NEGR1: variants seen among roughly 807,000 people sequenced by gnomAD.
NEGR1 encodes the protein neuronal growth regulator 1, also known as IgLON family member 4.
NEGR1 carries 10 observed loss-of-function variants against 40.9 expected under a neutral mutation model. The ratio of observed to expected loss-of-function variants is 0.24; its 90% CI spans 0.15 to 0.42. The LOEUF is 0.42. Ranked by LOEUF, NEGR1 falls within the 10% of genes least tolerant of loss-of-function variation. The probability of loss-of-function intolerance (pLI) is 1.00; values close to 1 mark genes in which losing one functional copy is unlikely to be tolerated. For missense variants in NEGR1, 352 were observed against 438.9 expected (o/e 0.80, Z 1.77); for synonymous variants, 185 against 166.8 (o/e 1.11, Z -0.84).
At chr1:72,097,827 G>A (rs1021604303) in intron 1 of NEGR1, among the ~76,000 whole-genome samples, 2 of 152,174 alleles carry the variant, frequency 1.3e-5, no homozygotes, top group African/African-American at 2.4e-5. Context: ...GGGGAAGAAT[G>A]TTGTACTTAC....
At chr1:71,903,986 T>C (rs1459124060) in intron 2 of NEGR1, among the ~76,000 whole-genome samples, 1 of 152,034 alleles carries the variant, frequency 6.6e-6, no homozygotes, top group Non-Finnish European at 1.5e-5. Flanking sequence ...ATTGATTTAT[T>C]ACTTTCTTTC....
At chr1:72,229,292 G>A (rs1422415205) in intron 1 of NEGR1, among the ~76,000 whole-genome samples, 1 of 150,290 alleles carries the variant, frequency 6.7e-6, no homozygotes, top group East Asian at 1.9e-4. Flanking sequence ...TTGGTTTACA[G>A]TAATGTAATT....
intron 6 of NEGR1, among the ~76,000 whole-genome samples, chr1:71,561,308 A>T (rs1648450411): frequency 6.6e-6 from 1 of 151,702 alleles, no homozygotes; most frequent in African/African-American, 2.4e-5. Context: ...GTTATTATAC[A>T]TCTAGGTTTG....
chr1:71,631,869 G>T (rs1650981492), intron 4 of NEGR1, among the ~76,000 whole-genome samples: 1 of 151,628 alleles, frequency 6.6e-6, no homozygotes, highest in Non-Finnish European at 1.5e-5. Context: ...TTCTAAATAT[G>T]CACGTTCATA....
At chr1:71,595,887 C>G (rs1354768714) in intron 5 of NEGR1, among the ~76,000 whole-genome samples, 1 of 152,026 alleles carries the variant, frequency 6.6e-6, no homozygotes. Context: ...AAAGAGCTCT[C>G]TAATTGATGA....
intron 6 of NEGR1, chr1:71,488,075 A>G (rs1038018577): frequency 3.3e-5 from 5 of 151,942 alleles, no homozygotes; most frequent in Admixed American, 3.3e-4. Context: ...CATCAGATGT[A>G]TATGCTCAAG....
intron 1 of NEGR1, among the ~76,000 whole-genome samples, chr1:72,078,068 G>A (rs569899839): frequency 3.9e-5 from 6 of 152,210 alleles, no homozygotes; most frequent in Non-Finnish European, 7.4e-5. Context: ...CATTGTCTTG[G>A]TTCAAGAAAG....
intron 4 of NEGR1, among the ~76,000 whole-genome samples, chr1:71,666,254 G>A (rs1652238151): frequency 6.6e-6 from 1 of 152,038 alleles, no homozygotes; most frequent in Non-Finnish European, 1.5e-5. Flanking sequence ...TAGTTAAAAT[G>A]CTTTTTTAGG....
chr1:71,776,119 G>A, intron 3 of NEGR1, 53 bp downstream of exon 3: 3 of 1,452,848 alleles, frequency 2.1e-6, no homozygotes, highest in South Asian at 1.4e-5. Flanking sequence ...GGTTAGTGAG[G>A]TTACAGGAGA....
intron 6 of NEGR1, among the ~76,000 whole-genome samples, chr1:71,517,443 A>C (rs1040289948): frequency 1.8e-5 from 1 of 56,624 alleles, no homozygotes; most frequent in African/African-American, 8.3e-5. Flanking sequence ...AATAAATGTA[A>C]TCCAGCATAT....
At chr1:72,012,682 C>T (rs915388078) in intron 1 of NEGR1, among the ~76,000 whole-genome samples, 4 of 151,864 alleles carry the variant, frequency 2.6e-5, no homozygotes, top group African/African-American at 9.7e-5. Context: ...AAAGAGCACA[C>T]GTTCACTTGT....
intron 2 of NEGR1, among the ~76,000 whole-genome samples, chr1:71,785,716 G>A (rs1656886907): frequency 6.6e-6 from 1 of 152,182 alleles, no homozygotes; most frequent in African/African-American, 2.4e-5. Context: ...CAGCCCAGCT[G>A]TGTCAAACTA....
intron 3 of NEGR1, among the ~76,000 whole-genome samples, chr1:71,755,001 AC>A (rs1655685595): frequency 6.6e-6 from 1 of 152,082 alleles, no homozygotes; most frequent in Non-Finnish European, 1.5e-5. Flanking sequence ...TATTGTCCTG[AC>A]CTCTTCCTTG....
At chr1:71,697,198 A>C (rs1206687389) in intron 4 of NEGR1, among the ~76,000 whole-genome samples, 1 of 151,912 alleles carries the variant, frequency 6.6e-6, no homozygotes, top group Non-Finnish European at 1.5e-5. Context: ...TAGAAAGATA[A>C]GTAAGTAGAA....
At chr1:71,836,825 G>A (rs1204143394) in intron 2 of NEGR1, among the ~76,000 whole-genome samples, 1 of 151,936 alleles carries the variant, frequency 6.6e-6, no homozygotes, top group Non-Finnish European at 1.5e-5. Flanking sequence ...AGCATATGGC[G>A]AAGTCAGACC....
chr1:71,737,788 C>T (rs74614460), intron 3 of NEGR1, among the ~76,000 whole-genome samples: 3,677 of 152,204 alleles, frequency 0.024, 63 homozygotes, highest in South Asian at 0.044. Flanking sequence ...TGCCGTTTTC[C>T]TGAAGAAGGT....
intron 2 of NEGR1, among the ~76,000 whole-genome samples, chr1:71,804,540 A>T (rs941959330): frequency 3.3e-5 from 5 of 152,364 alleles, no homozygotes; most frequent in African/African-American, 9.6e-5. Flanking sequence ...ATGGACATTT[A>T]TTAGTTCCCC....
chr1:71,508,901 T>C (rs1647053821), intron 6 of NEGR1, among the ~76,000 whole-genome samples: 3 of 152,214 alleles, frequency 2.0e-5, no homozygotes, highest in Non-Finnish European at 4.4e-5. Context: ...CACGGGTATA[T>C]GGGTGAGGGG....
At chr1:71,637,780 G>C (rs1280034949) in intron 4 of NEGR1, among the ~76,000 whole-genome samples, 2 of 151,962 alleles carry the variant, frequency 1.3e-5, no homozygotes, top group East Asian at 3.9e-4. Flanking sequence ...ATTGGCGGTA[G>C]GCATGGAGAA....
Sources: gnomAD v4.1 joint callset for allele counts (sites outside exome capture counted in the v4.1 genomes callset) on GRCh38, gnomAD v4.1.1 for gene constraint, MANE v1.5 for transcripts, NCBI Gene and HGNC (gene_info 2026-07-23, HGNC 2026-07-21) for gene names.